Variants in CSMD1 observed in about 807,000 individuals in gnomAD.
CSMD1 encodes the protein CUB and Sushi multiple domains 1.
In CSMD1, 213 loss-of-function variants were observed where a neutral mutation model predicts 417.5. That is an observed-to-expected ratio of 0.51 (90% CI 0.46 to 0.57). The LOEUF is 0.57. Ranked by LOEUF, CSMD1 falls within the 20% of genes least tolerant of loss-of-function variation. The pLI, the probability that CSMD1 is intolerant of heterozygous loss-of-function variation, is 0.00. For missense variants in CSMD1, 6,923 were observed against 4,529.7 expected, an observed-to-expected ratio of 1.53 and a Z score of -15.17; for synonymous variants, 2,862 against 1,736.8, an observed-to-expected ratio of 1.65 and a Z score of -16.11.
chr8:4,281,902 G>T (rs1275502304), intron 3 of CSMD1, among the ~76,000 whole-genome samples: 1 of 152,174 alleles, frequency 6.6e-6, no homozygotes, highest in Non-Finnish European at 1.5e-5. Flanking sequence ...GGCTTATAAA[G>T]GTTAAGTGAC....
rs78897448 is a variant in CSMD1 at position 3,916,277 on chromosome 8, G to C, written c.818+81626C>G. Among the ~76,000 whole-genome samples the C allele has an allele frequency of 8.6e-3, 1,308 of 152,190 alleles. 22 individuals carry two copies. The highest frequency in any genetic ancestry group is 0.029 in the African/African-American group (1,213 of 41,538). ...TACAACAGGAGCCCAGAAAGCTTTT[G>C]TGGAAAGTCTCATATAAAATCACCT... On this transcript the variant is annotated intron_variant, in intron 5 of 69. Coordinates refer to ENST00000635120, the MANE Select transcript of CSMD1 (RefSeq NM_033225.6).
chr8:3,372,779 G>A (rs1238767583), intron 18 of CSMD1, among the ~76,000 whole-genome samples: 4 of 152,152 alleles, frequency 2.6e-5, no homozygotes, highest in South Asian at 2.1e-4. Context: ...ACATAGGTCT[G>A]GAGGCCATGG....
intron 4 of CSMD1, among the ~76,000 whole-genome samples, chr8:4,009,693 G>A (rs1040731971): frequency 2.0e-5 from 3 of 151,978 alleles, no homozygotes; most frequent in Non-Finnish European, 4.4e-5. Context: ...ATTGAGGAAG[G>A]AAGGGCCACA....
At chr8:4,205,800 T>C (rs963442920) in intron 3 of CSMD1, among the ~76,000 whole-genome samples, 1 of 152,036 alleles carries the variant, frequency 6.6e-6, no homozygotes, top group South Asian at 2.1e-4. Flanking sequence ...TAGATATTTG[T>C]GGGGGTAAAA....
chr8:4,530,279 G>A (rs919612829), intron 2 of CSMD1, among the ~76,000 whole-genome samples: 34 of 123,046 alleles, frequency 2.8e-4, no homozygotes, highest in Admixed American at 7.1e-4. Flanking sequence ...ATTTAAATAA[G>A]CAAATATTGT....
intron 15 of CSMD1, among the ~76,000 whole-genome samples, chr8:3,404,983 A>G (rs1049654078): frequency 1.3e-5 from 2 of 152,216 alleles, no homozygotes; most frequent in African/African-American, 4.8e-5. Flanking sequence ...TCTTTATGAT[A>G]TTGATCCAGG....
chr8:3,036,472 T>G (rs1810680814), intron 50 of CSMD1, among the ~76,000 whole-genome samples: 1 of 152,218 alleles, frequency 6.6e-6, no homozygotes. Flanking sequence ...GAAGCACATT[T>G]AATGAGATTT....
intron 1 of CSMD1, among the ~76,000 whole-genome samples, chr8:4,895,457 C>G (rs1158520031): frequency 6.6e-6 from 1 of 152,098 alleles, no homozygotes; most frequent in Non-Finnish European, 1.5e-5. Context: ...CATTGTTATT[C>G]TGCTTTATCA....
rs561909740 is a variant in CSMD1 at position 4,276,246 on chromosome 8, A to G, written c.415+143707T>C. Among the ~76,000 whole-genome samples the G allele has an allele frequency of 8.5e-4, 129 of 152,326 alleles. 1 individual carries two copies. Among genetic ancestry groups the G allele is most frequent in the African/African-American group, 2.9e-3 (121 of 41,584 alleles). On this transcript the variant is annotated intron_variant, in intron 3 of 69. Transcript: ENST00000635120. The stretch of plus-strand genomic sequence containing the variant: ...CAAATGCCCATCAACGATAGACTGA[A>G]TTTTAAAAAAAATGTGGCACATATA...
intron 52 of CSMD1, among the ~76,000 whole-genome samples, chr8:3,017,538 A>C (rs755942791): frequency 6.6e-6 from 1 of 152,028 alleles, no homozygotes; most frequent in Non-Finnish European, 1.5e-5. Flanking sequence ...GAGTGTGAGA[A>C]ACCAAGCAGC....
At chr8:3,897,396 A>C (rs1254455827) in intron 5 of CSMD1, among the ~76,000 whole-genome samples, 1 of 152,208 alleles carries the variant, frequency 6.6e-6, no homozygotes, top group Non-Finnish European at 1.5e-5. Flanking sequence ...GCCAATTATA[A>C]AACAAAATGT....
intron 18 of CSMD1, among the ~76,000 whole-genome samples, chr8:3,381,259 T>A (rs1810609912): frequency 6.6e-6 from 1 of 151,400 alleles, no homozygotes; most frequent in East Asian, 1.9e-4. Flanking sequence ...GTTCAACAGA[T>A]CTACCCACAT....
intron 3 of CSMD1, among the ~76,000 whole-genome samples, chr8:4,090,892 T>A (rs1182791265): frequency 6.6e-6 from 1 of 152,006 alleles, no homozygotes. Flanking sequence ...TCTACATTAT[T>A]AGTAACATAA....
intron 12 of CSMD1, among the ~76,000 whole-genome samples, chr8:3,417,968 G>A (rs974885918): frequency 6.6e-5 from 10 of 152,120 alleles, no homozygotes; most frequent in Non-Finnish European, 1.0e-4. Context: ...CTCCTTGTCC[G>A]TCACCATCAG....
chr8:3,562,208 G>A (rs1799497452), intron 10 of CSMD1, among the ~76,000 whole-genome samples: 1 of 152,134 alleles, frequency 6.6e-6, no homozygotes, highest in Non-Finnish European at 1.5e-5. Context: ...TTAAAATAAT[G>A]ATGTAGAATA....
chr8:4,626,021 G>A (rs1241664092), intron 2 of CSMD1, among the ~76,000 whole-genome samples: 3 of 152,094 alleles, frequency 2.0e-5, no homozygotes, highest in Non-Finnish European at 4.4e-5. Context: ...ACCATGCTTG[G>A]CCAACCTTGA....
chr8:4,399,028 G>A (rs1021638965), intron 3 of CSMD1, among the ~76,000 whole-genome samples: 2 of 152,152 alleles, frequency 1.3e-5, no homozygotes, highest in African/African-American at 4.8e-5. Flanking sequence ...TTGTAAATAA[G>A]TATGAGACAA....
chr8:3,854,649 T>C (rs1804167371), intron 5 of CSMD1, among the ~76,000 whole-genome samples: 2 of 151,556 alleles, frequency 1.3e-5, no homozygotes, highest in African/African-American at 2.4e-5. Context: ...ATATAGAATC[T>C]GGACAATGTG....
At chr8:3,867,249 G>A (rs923215544) in intron 5 of CSMD1, among the ~76,000 whole-genome samples, 4 of 152,112 alleles carry the variant, frequency 2.6e-5, no homozygotes, top group African/African-American at 9.7e-5. Flanking sequence ...GCTAGCTAGT[G>A]TAAGAAGCAA....
Sources: gnomAD v4.1 joint callset for allele counts (sites outside exome capture counted in the v4.1 genomes callset) on GRCh38, gnomAD v4.1.1 for gene constraint, MANE v1.5 for transcripts, NCBI Gene and HGNC (gene_info 2026-07-23, HGNC 2026-07-21) for gene names.